Variants in LARGE1 observed in about 807,000 individuals in gnomAD.
LARGE1 encodes LARGE xylosyl- and glucuronyltransferase 1.
A neutral mutation model predicts 87.6 loss-of-function variants in LARGE1; 43 were observed. The ratio of observed to expected loss-of-function variants is 0.49; its 90% confidence interval spans 0.38 to 0.63. The LOEUF (loss-of-function observed/expected upper bound fraction) is 0.63, where lower values mean the gene tolerates loss of function less well. LARGE1 is among the 30% of genes least tolerant of loss of function. LARGE1 has a pLI of 0.00. For synonymous variants in LARGE1, 434 were observed against 394.6 expected (o/e 1.10, Z -1.18); for missense variants, 802 against 1,000.2 (o/e 0.80, Z 2.67).
In LARGE1 at chr22:33,532,179, A is replaced by T. The variant is rs2072239069; in HGVS notation, c.787+32669T>A. 2.0e-5 allele frequency among the ~76,000 whole-genome samples: 3 copies of T among 152,228 alleles called. No homozygotes were observed. The South Asian group carries it at 6.2e-4, about 32-fold the overall frequency. On this transcript the variant is annotated intron_variant, in intron 6 of 14. Transcript: ENST00000397394. ...TTCCCACCACTTGCTAACTCTAATA[A>T]TCTCTCCCAACTTTTGTTTCCTTGT...
In LARGE1 at chr22:33,630,375, A is replaced by G. The variant is rs1162844025; in HGVS notation, c.409-4049T>C. Among the ~76,000 whole-genome samples, 3 of 152,192 alleles carry G rather than the reference A, an allele frequency of 2.0e-5. No individual in the cohort carries two copies. In the South Asian group the frequency reaches 6.2e-4, roughly 32 times the overall value. ...ACAGATATCTTCTGAGTAGCCTATC[A>G]TCGTTAGGTGACTTTGTCTTCCGAG... On this transcript the variant is annotated intron_variant, in intron 3 of 14. Coordinates refer to ENST00000397394, the MANE Select transcript of LARGE1 (RefSeq NM_133642.5).
At chr22:33,728,937 T>C (rs1260166758) in intron 2 of LARGE1, among the ~76,000 whole-genome samples, 1 of 152,190 alleles carries the variant, frequency 6.6e-6, no homozygotes, top group Non-Finnish European at 1.5e-5. Flanking sequence ...TGTCTGATAA[T>C]GTTTGTAAAA....
chr22:33,378,627 C>A (rs1215120053), intron 9 of LARGE1, among the ~76,000 whole-genome samples: 1 of 152,206 alleles, frequency 6.6e-6, no homozygotes, highest in African/African-American at 2.4e-5. Context: ...TATACTCTCA[C>A]ACAGAAGACT....
At chr22:33,427,369 C>A (rs1569154196) in intron 7 of LARGE1, among the ~76,000 whole-genome samples, 1 of 152,036 alleles carries the variant, frequency 6.6e-6, no homozygotes, top group Admixed American at 6.6e-5. Context: ...GGGAACAGCT[C>A]TAGTAAAAAG....
intron 11 of LARGE1, among the ~76,000 whole-genome samples, chr22:33,315,865 T>C (rs1936096326): frequency 1.3e-5 from 2 of 152,126 alleles, no homozygotes; most frequent in Admixed American, 6.5e-5. Flanking sequence ...CCTGACCTTG[T>C]GATCTGCCTG....
chr22:33,805,606 T>C (rs1444226338), intron 1 of LARGE1, among the ~76,000 whole-genome samples: 1 of 151,746 alleles, frequency 6.6e-6, no homozygotes, highest in Non-Finnish European at 1.5e-5. Flanking sequence ...TGATGGCAGG[T>C]GTCTGTAATC....
intron 4 of LARGE1, among the ~76,000 whole-genome samples, 169 bp from the exon 5 acceptor site, chr22:33,604,727 A>G (rs1294864987): frequency 1.3e-5 from 2 of 152,180 alleles, no homozygotes; most frequent in Non-Finnish European, 2.9e-5. Context: ...AGGCTGCAGG[A>G]GCTGAAAAGG....
At chr22:33,319,893 G>A (rs1936550274) in intron 10 of LARGE1, among the ~76,000 whole-genome samples, 1 of 152,140 alleles carries the variant, frequency 6.6e-6, no homozygotes, top group Non-Finnish European at 1.5e-5. Flanking sequence ...TGCTCCAAAT[G>A]TACTTGAACA....
Position 33,765,090 on chromosome 22 carries a change from T to G in LARGE1, c.-82-3532A>C, listed in dbSNP as rs544441828. On this transcript the variant is annotated intron_variant, in intron 1 of 14. Transcript: ENST00000397394. ...GCACTTTTCTATATTTTTTTGCATA[T>G]AGCTGCTTATGTAATTCTCAAAATA... 6.3e-4 allele frequency among the ~76,000 whole-genome samples: 96 copies of G among 152,322 alleles called. 1 individual carries two copies. Among genetic ancestry groups the G allele is most frequent in the Middle Eastern group, 6.8e-3 (2 of 294 alleles).
intron 1 of LARGE1, among the ~76,000 whole-genome samples, chr22:33,806,669 C>A (rs555470044): frequency 2.6e-5 from 4 of 152,276 alleles, no homozygotes; most frequent in African/African-American, 9.6e-5. Flanking sequence ...TGCAATGATG[C>A]CAGCTGTGCT....
intron 6 of LARGE1, among the ~76,000 whole-genome samples, chr22:33,514,941 G>A (rs186284738): frequency 6.6e-6 from 1 of 152,218 alleles, no homozygotes; most frequent in Admixed American, 6.5e-5. Context: ...TGAACAGCAT[G>A]AACCAGGCAC....
chr22:33,655,209 T>C (rs1202515281), intron 2 of LARGE1, among the ~76,000 whole-genome samples: 1 of 152,122 alleles, frequency 6.6e-6, no homozygotes, highest in Non-Finnish European at 1.5e-5. Context: ...AACATTTAAA[T>C]TGGTAGACAG....
intron 2 of LARGE1, among the ~76,000 whole-genome samples, chr22:33,710,314 G>C (rs572905106): frequency 6.6e-6 from 1 of 152,272 alleles, no homozygotes; most frequent in East Asian, 1.9e-4. Flanking sequence ...TCTCAGAAGA[G>C]ACTGAACCAG....
At chr22:33,243,642 A>G (rs2145693949) in intron 11 of LARGE1, among the ~76,000 whole-genome samples, 1 of 152,260 alleles carries the variant, frequency 6.6e-6, no homozygotes, top group South Asian at 2.1e-4. Context: ...CTATCCGTTC[A>G]TTTGTTGTTG....
At position 33,579,160 on chromosome 22, in the gene LARGE1, C is replaced by G. The variant is rs2078438955; in HGVS notation, c.616-14141G>C. On this transcript the variant is annotated intron_variant, in intron 5 of 14. Transcript: ENST00000397394. ...AATTCCCAGGTGTTGTGGGAGGGAC[C>G]TGGTGGGAGGTAATTGAATCATGGG... Among the ~76,000 whole-genome samples the G allele has an allele frequency of 2.0e-5, 3 of 152,130 alleles. No homozygotes were observed. In the South Asian group the frequency reaches 6.2e-4, roughly 32 times the overall value.
the LARGE1 span, among the ~76,000 whole-genome samples, chr22:33,071,994 T>C: frequency 1.3e-5 from 2 of 151,680 alleles, no homozygotes; most frequent in African/African-American, 4.8e-5. Context: ...TAAATGCAGA[T>C]TGGAGCACTA....
intron 1 of LARGE1, among the ~76,000 whole-genome samples, chr22:33,893,162 A>C (rs1414844076): frequency 6.6e-6 from 1 of 152,216 alleles, no homozygotes; most frequent in Non-Finnish European, 1.5e-5. Context: ...AACTGGCAGA[A>C]GTGTCATTTT....
At chr22:33,706,376 C>T (rs1369824805) in intron 2 of LARGE1, among the ~76,000 whole-genome samples, 1 of 152,100 alleles carries the variant, frequency 6.6e-6, no homozygotes, top group Non-Finnish European at 1.5e-5. Context: ...TCTCATGGCA[C>T]CATCTGCACT....
the LARGE1 span, among the ~76,000 whole-genome samples, chr22:33,086,525 G>A: frequency 2.0e-5 from 3 of 149,160 alleles, no homozygotes; most frequent in South Asian, 4.3e-4. Flanking sequence ...ACAATTGTTT[G>A]GTGGCATAAT....
Sources: gnomAD v4.1 joint callset for allele counts (sites outside exome capture counted in the v4.1 genomes callset) on GRCh38, gnomAD v4.1.1 for gene constraint, MANE v1.5 for transcripts, NCBI Gene and HGNC (gene_info 2026-07-23, HGNC 2026-07-21) for gene names.